Variants in ABCA13 observed in about 807,000 individuals in gnomAD.
ABCA13 encodes the protein ATP-binding cassette sub-family A member 13.
A neutral mutation model predicts 478.7 loss-of-function variants in ABCA13; 476 were observed. The observed-to-expected ratio is 0.99, with a 90% CI of 0.92 to 1.07. The LOEUF is 1.07. ABCA13 is among the 50% of genes least tolerant of loss of function. The probability of loss-of-function intolerance (pLI) is 0.00; values close to 1 mark genes in which losing one functional copy is unlikely to be tolerated. For synonymous variants in ABCA13, 2,252 were observed against 2,158.9 expected, an observed-to-expected ratio of 1.04 and a Z score of -1.20; for missense variants, 6,060 against 5,910.6, an observed-to-expected ratio of 1.03 and a Z score of -0.83.
At chr7:48,569,028 G>A (rs2131308904) in intron 55 of ABCA13, among the ~76,000 whole-genome samples, 1 of 151,932 alleles carries the variant, frequency 6.6e-6, no homozygotes, top group African/African-American at 2.4e-5. Flanking sequence ...GTTGGTCATT[G>A]TAGCTATGAG....
intron 48 of ABCA13, among the ~76,000 whole-genome samples, chr7:48,502,499 T>C (rs995638073): frequency 6.6e-6 from 1 of 152,222 alleles, no homozygotes; most frequent in African/African-American, 2.4e-5. Flanking sequence ...AGTGTTCTTT[T>C]GGCAGCTTTT....
At chr7:48,252,593 A>G (rs1437748159) in intron 15 of ABCA13, among the ~76,000 whole-genome samples, 1 of 152,170 alleles carries the variant, frequency 6.6e-6, no homozygotes, top group Non-Finnish European at 1.5e-5. Context: ...AGGTAAGGTA[A>G]AAATATACGA....
At chr7:48,510,030 T>C (rs754612116) in intron 50 of ABCA13, among the ~76,000 whole-genome samples, 1 of 152,224 alleles carries the variant, frequency 6.6e-6, no homozygotes, top group Non-Finnish European at 1.5e-5. Context: ...TATAAGATAC[T>C]TGGTCTGTGT....
intron 31 of ABCA13, among the ~76,000 whole-genome samples, chr7:48,361,763 G>A (rs1001420161): frequency 6.6e-6 from 1 of 151,522 alleles, no homozygotes; most frequent in East Asian, 1.9e-4. Flanking sequence ...ATGCAGTACA[G>A]GTTTCTATTT....
At chr7:48,271,744 T>G in intron 16 of ABCA13, 43 bp from the exon 17 acceptor site, 2 of 1,158,698 alleles carry the variant, frequency 1.7e-6, no homozygotes, top group Non-Finnish European at 2.2e-6. Context: ...AAATCAAATT[T>G]ATTTTTTTAT....
chr7:48,233,937 AG>A, intron 7 of ABCA13, 80 bp from the exon 8 acceptor site: 7 of 1,514,572 alleles, frequency 4.6e-6, no homozygotes, highest in Non-Finnish European at 4.5e-6. Flanking sequence ...AGGTGAAAAA[AG>A]GTATTTTTTT....
chr7:48,345,791 A>G (rs1475966772), intron 29 of ABCA13, among the ~76,000 whole-genome samples: 1 of 152,216 alleles, frequency 6.6e-6, no homozygotes, highest in African/African-American at 2.4e-5. Flanking sequence ...AAAGTTTATA[A>G]AGTGTACGGT....
chr7:48,230,001 A>G (rs750344364), intron 7 of ABCA13, 46 bp downstream of exon 7: 13 of 1,564,838 alleles, frequency 8.3e-6, no homozygotes, highest in Non-Finnish European at 1.1e-5. Context: ...ACGTTTAACT[A>G]CTTAAATTCA....
chr7:48,623,101 G>A (rs1179913354), intron 59 of ABCA13, among the ~76,000 whole-genome samples: 3 of 152,172 alleles, frequency 2.0e-5, no homozygotes, highest in Admixed American at 6.5e-5. Context: ...GCACTTCCCA[G>A]AGCCGTAAGC....
At chr7:48,312,996 A>G in intron 24 of ABCA13, 71 bp from the exon 25 acceptor site, 1 of 1,422,672 alleles carries the variant, frequency 7.0e-7, no homozygotes, top group Non-Finnish European at 9.3e-7. Context: ...TCACAGCTCA[A>G]AAGATGCTTC....
chr7:48,485,738 G>A (rs1829233911), intron 47 of ABCA13, among the ~76,000 whole-genome samples: 1 of 152,170 alleles, frequency 6.6e-6, no homozygotes, highest in South Asian at 2.1e-4. Context: ...TCGCTCATGA[G>A]TCTGTGGGAT....
chr7:48,307,672 A>G (rs968419655), intron 23 of ABCA13, among the ~76,000 whole-genome samples: 4 of 152,038 alleles, frequency 2.6e-5, no homozygotes, highest in African/African-American at 7.2e-5. Context: ...TTTACTTTAT[A>G]AACTTTATTT....
intron 45 of ABCA13, among the ~76,000 whole-genome samples, chr7:48,479,175 C>T (rs1331767941): frequency 6.6e-6 from 1 of 151,830 alleles, no homozygotes; most frequent in African/African-American, 2.4e-5. Context: ...TGGTCTCGAT[C>T]TCCTGACCTC....
chr7:48,521,613 T>G (rs1832550127), intron 53 of ABCA13, among the ~76,000 whole-genome samples: 2 of 152,142 alleles, frequency 1.3e-5, no homozygotes, highest in Non-Finnish European at 2.9e-5. Context: ...TTTAGTCTAT[T>G]TTATAAAACT....
In ABCA13 at chr7:48,600,698, A is replaced by G. The variant is rs140425466; in HGVS notation, c.14744+5885A>G. ...CTCCCTTTTTCTTTGTGCTATTATT[A>G]CCATATATATTGCATTTTATATGCT... is the stretch of plus-strand genomic sequence containing the variant. On this transcript the variant is annotated intron_variant, in intron 58 of 61. Coordinates refer to ENST00000435803, the MANE Select transcript of ABCA13 (RefSeq NM_152701.5). 7.1e-3 allele frequency among the ~76,000 whole-genome samples: 1,086 copies of G among 152,164 alleles called. 16 individuals carry two copies. The highest frequency in any genetic ancestry group is 0.025 in the African/African-American group (1,020 of 41,514).
At chr7:48,478,293 T>TATATA (rs1554531472) in intron 45 of ABCA13, among the ~76,000 whole-genome samples, 1 of 132,852 alleles carries the variant, frequency 7.5e-6, no homozygotes, top group Admixed American at 7.9e-5. Context: ...ATATATCATT[T>TATATA]TATATATATA....
At chr7:48,293,204 C>CCCCCA (rs1554419805) in intron 20 of ABCA13, among the ~76,000 whole-genome samples, 5 of 131,498 alleles carry the variant, frequency 3.8e-5, no homozygotes, top group Non-Finnish European at 6.6e-5. Flanking sequence ...CCCCCCCCCG[C>CCCCCA]CACACACACA....
chr7:48,368,749 A>T (rs1254163318), intron 32 of ABCA13, among the ~76,000 whole-genome samples: 6 of 83,028 alleles, frequency 7.2e-5, no homozygotes, highest in Non-Finnish European at 1.1e-4. Context: ...ATATACATTT[A>T]TATATATATA....
At chr7:48,552,130 C>T (rs1785382854) in intron 55 of ABCA13, among the ~76,000 whole-genome samples, 1 of 151,568 alleles carries the variant, frequency 6.6e-6, no homozygotes, top group Admixed American at 6.6e-5. Context: ...TCCTTGCAGT[C>T]CTTACTAATT....
Sources: gnomAD v4.1 joint callset for allele counts (sites outside exome capture counted in the v4.1 genomes callset) on GRCh38, gnomAD v4.1.1 for gene constraint, MANE v1.5 for transcripts, NCBI Gene and HGNC (gene_info 2026-07-23, HGNC 2026-07-21) for gene names.